Variants in CDK13 observed in about 807,000 individuals in gnomAD.
The protein encoded by CDK13 is cyclin-dependent kinase 13.
Under a neutral mutation model 137.6 loss-of-function variants are expected in CDK13, and 40 were observed. The observed-to-expected ratio is 0.29, with a 90% CI of 0.23 to 0.38. CDK13 has a LOEUF of 0.38. CDK13 is among the 10% of genes least tolerant of loss of function. The pLI is 1.00. For missense variants in CDK13, 1,704 were observed against 1,951.8 expected, an observed-to-expected ratio of 0.87 and a Z score of 2.39; for synonymous variants, 869 against 760.1, an observed-to-expected ratio of 1.14 and a Z score of -2.36.
intron 5 of CDK13, among the ~76,000 whole-genome samples, chr7:40,042,868 C>G (rs1268552973): frequency 1.3e-5 from 2 of 151,822 alleles, no homozygotes; most frequent in Admixed American, 6.6e-5. Flanking sequence ...TCTCCAAACT[C>G]TGGGGCTCAA....
At chr7:40,073,594 C>CTGTTT (rs982543340) in intron 9 of CDK13, 1 of 134,664 alleles carries the variant, frequency 7.4e-6, no homozygotes, top group Non-Finnish European at 1.6e-5. Context: ...TTCTTTCTTT[C>CTGTTT]TTTTTTTTTT....
chr7:39,966,630 G>A (rs1008460754), intron 1 of CDK13, among the ~76,000 whole-genome samples: 27 of 152,266 alleles, frequency 1.8e-4, no homozygotes, highest in African/African-American at 5.5e-4. Context: ...GTCATTCTCT[G>A]TCCAGCTTTG....
chr7:39,953,372 T>G (rs1256708241), intron 1 of CDK13, among the ~76,000 whole-genome samples: 5 of 152,214 alleles, frequency 3.3e-5, no homozygotes, highest in African/African-American at 1.2e-4. Flanking sequence ...GCAGTTGAAT[T>G]TGTTTTGCAA....
chr7:40,034,063 T>A (rs1284644755), intron 5 of CDK13, among the ~76,000 whole-genome samples: 1 of 152,218 alleles, frequency 6.6e-6, no homozygotes, highest in Non-Finnish European at 1.5e-5. Context: ...CATAACTACA[T>A]ATTTTTTTCT....
intron 1 of CDK13, among the ~76,000 whole-genome samples, chr7:39,960,476 C>CT (rs1371809614): frequency 2.6e-5 from 4 of 152,102 alleles, no homozygotes; most frequent in African/African-American, 9.7e-5. Context: ...CCAGGATGGT[C>CT]TTAATCTCCT....
chr7:40,068,798 A>T (rs901147938), intron 9 of CDK13, among the ~76,000 whole-genome samples: 3 of 151,554 alleles, frequency 2.0e-5, no homozygotes, highest in Admixed American at 6.6e-5. Flanking sequence ...GGCTATATTG[A>T]GATTGATCTC....
intron 7 of CDK13, among the ~76,000 whole-genome samples, chr7:40,055,518 G>C (rs931606064): frequency 6.6e-6 from 1 of 150,970 alleles, no homozygotes; most frequent in Non-Finnish European, 1.5e-5. Flanking sequence ...GATGTTGACA[G>C]TTGGTAGCCA....
At chr7:40,017,089 A>G (rs1785020265) in intron 5 of CDK13, among the ~76,000 whole-genome samples, 1 of 152,142 alleles carries the variant, frequency 6.6e-6, no homozygotes, top group Non-Finnish European at 1.5e-5. Flanking sequence ...TTAATATGCA[A>G]TATTCTGCAA....
At chr7:40,069,532 A>T in intron 9 of CDK13, 1 of 304,212 alleles carries the variant, frequency 3.3e-6, no homozygotes, top group South Asian at 3.0e-5. Flanking sequence ...TTAAATGTAA[A>T]TAAGTTTTCA....
Position 40,095,067 on chromosome 7 carries a change from A to C in CDK13, c.*87A>C. 8.7e-7 allele frequency: 1 copy of C among 1,145,678 alleles called. No homozygotes were observed. Among genetic ancestry groups the C allele is most frequent in the East Asian group, 2.8e-5 (1 of 35,396 alleles). 71.0% of individuals were successfully genotyped at this position (1,145,678 alleles called of 1,614,324 possible). ...AGGCAGCAATCCAAGAGACTTGAAT[A>C]ATAATAATTCAACAACAGCTTTATT... On this transcript the variant is annotated 3_prime_UTR_variant, in exon 14 of 14. Transcript: ENST00000181839.
At chr7:39,980,451 C>A (rs188627456) in intron 1 of CDK13, among the ~76,000 whole-genome samples, 1 of 152,140 alleles carries the variant, frequency 6.6e-6, no homozygotes, top group African/African-American at 2.4e-5. Context: ...GTTATAATAA[C>A]GTTACATGAC....
intron 4 of CDK13, 112 bp from the exon 5 acceptor site, chr7:40,001,749 G>T: frequency 2.6e-6 from 2 of 757,838 alleles, no homozygotes; most frequent in East Asian, 2.5e-5. Flanking sequence ...ATACTTTGTG[G>T]TTCTATTTTT....
In CDK13 at chr7:40,095,014, C is replaced by T; in HGVS notation, c.*34C>T. ...TTTTCCTCAGGCACATCATTTTTAT[C>T]TGGAAAGACTTTTCTAGCTGCAATT... On this transcript the variant is annotated 3_prime_UTR_variant, in exon 14 of 14. Transcript: ENST00000181839. 1 of 1,344,920 alleles carries T rather than the reference C, an allele frequency of 7.4e-7. No individual in the cohort carries two copies. The highest frequency in any genetic ancestry group is 2.7e-5 in the East Asian group (1 of 36,920). The allele number at this position is 1,344,920 out of a possible 1,614,324, so 83.3% of individuals were successfully genotyped here.
intron 5 of CDK13, among the ~76,000 whole-genome samples, chr7:40,036,173 T>TACACACACAC (rs70996875): frequency 0.03 from 4,501 of 149,110 alleles, 70 homozygotes; most frequent in East Asian, 0.05. Context: ...ATAAATAAAT[T>TACACACACAC]ACACACACAC....
intron 2 of CDK13, among the ~76,000 whole-genome samples, chr7:39,997,163 G>A (rs192037021): frequency 7.9e-5 from 12 of 151,866 alleles, no homozygotes; most frequent in South Asian, 4.2e-4. Flanking sequence ...TGAATACCCC[G>A]TACCCAGTTT....
chr7:40,089,634 C>T (rs1326736267), intron 12 of CDK13, among the ~76,000 whole-genome samples: 1 of 151,570 alleles, frequency 6.6e-6, no homozygotes, highest in Non-Finnish European at 1.5e-5. Flanking sequence ...CATCCAGAAA[C>T]ACCCATCTTT....
chr7:40,088,760 T>C (rs1189225819), intron 12 of CDK13, among the ~76,000 whole-genome samples: 3 of 152,150 alleles, frequency 2.0e-5, no homozygotes. Flanking sequence ...CCTAATGTTA[T>C]AATTTCTCTG....
At chr7:40,090,714 G>A (rs1008327772) in intron 12 of CDK13, among the ~76,000 whole-genome samples, 4 of 151,998 alleles carry the variant, frequency 2.6e-5, no homozygotes, top group Admixed American at 6.5e-5. Flanking sequence ...GCAAAACCCC[G>A]TCTCTACAAA....
intron 5 of CDK13, among the ~76,000 whole-genome samples, chr7:40,027,177 C>T (rs1447005970): frequency 6.6e-6 from 1 of 152,144 alleles, no homozygotes; most frequent in East Asian, 1.9e-4. Context: ...AACCCCGTCT[C>T]TACTAAAAAT....
Sources: gnomAD v4.1 joint callset for allele counts (sites outside exome capture counted in the v4.1 genomes callset) on GRCh38, gnomAD v4.1.1 for gene constraint, MANE v1.5 for transcripts, NCBI Gene and HGNC (gene_info 2026-07-23, HGNC 2026-07-21) for gene names.